GRK5: variants seen among roughly 807,000 people sequenced by gnomAD.
The protein encoded by GRK5 is g protein-coupled receptor kinase GRK5.
A neutral mutation model predicts 78.4 loss-of-function variants in GRK5; 40 were observed. The observed-to-expected ratio is 0.51, with a 90% CI of 0.40 to 0.66. GRK5 has a LOEUF of 0.66. Among genes scored for constraint, GRK5 ranks in the 30% least tolerant of loss-of-function variants. GRK5 has a pLI of 0.00. For synonymous variants in GRK5, 289 were observed against 296.8 expected (o/e 0.97, Z 0.27); for missense variants, 598 against 759.9 (o/e 0.79, Z 2.50).
intron 12 of GRK5, among the ~76,000 whole-genome samples, chr10:119,444,664 C>G (rs768535552): frequency 6.6e-6 from 1 of 152,182 alleles, no homozygotes; most frequent in Non-Finnish European, 1.5e-5. Flanking sequence ...GCACCCAGCT[C>G]CACAATTGCC....
intron 1 of GRK5, among the ~76,000 whole-genome samples, chr10:119,292,052 C>T (rs374799722): frequency 1.1e-3 from 132 of 115,190 alleles, no homozygotes; most frequent in Middle Eastern, 5.5e-3. Flanking sequence ...TCCTCCTTCT[C>T]CTCCTCCTCT....
At chr10:119,323,948 A>G (rs1426452473) in intron 1 of GRK5, among the ~76,000 whole-genome samples, 1 of 152,064 alleles carries the variant, frequency 6.6e-6, no homozygotes, top group Non-Finnish European at 1.5e-5. Flanking sequence ...CAATGTTGGC[A>G]ACTGGTTCAG....
At chr10:119,396,551 T>A (rs1852055972) in intron 3 of GRK5, 144 bp from the exon 4 acceptor site, 1 of 668,428 alleles carries the variant, frequency 1.5e-6, no homozygotes, top group Admixed American at 2.6e-5. Flanking sequence ...TGGCCAGGTC[T>A]TCCCCCCCGG....
At chr10:119,309,396 G>T (rs1172046418) in intron 1 of GRK5, among the ~76,000 whole-genome samples, 1 of 152,212 alleles carries the variant, frequency 6.6e-6, no homozygotes, top group East Asian at 1.9e-4. Context: ...AGGCCTTGGT[G>T]GGAGGGAAGC....
At chr10:119,377,491 G>A (rs1035971387) in intron 2 of GRK5, among the ~76,000 whole-genome samples, 1 of 152,164 alleles carries the variant, frequency 6.6e-6, no homozygotes, top group African/African-American at 2.4e-5. Context: ...CATTGATCTT[G>A]ATTTGAGGTG....
In GRK5 at chr10:119,326,835, C is replaced by T. The variant is rs904995264; in HGVS notation, c.148+224C>T. On this transcript the variant is annotated intron_variant, in intron 2 of 15. Coordinates refer to ENST00000392870, the MANE Select transcript of GRK5 (RefSeq NM_005308.3). ...TATTCATTGAATATATGGCATGTGC[C>T]GGGCAGAGTGACCTCCTCCCAGTTA... is the stretch of plus-strand genomic sequence containing the variant. 1.5e-4 allele frequency among the ~76,000 whole-genome samples: 23 copies of T among 152,356 alleles called. 1 individual carries two copies. The highest frequency in any genetic ancestry group is 4.1e-4 in the African/African-American group (17 of 41,584).
chr10:119,306,007 A>G (rs1850267014), intron 1 of GRK5, among the ~76,000 whole-genome samples: 1 of 152,106 alleles, frequency 6.6e-6, no homozygotes, highest in South Asian at 2.1e-4. Flanking sequence ...GACCATGGAA[A>G]GGCTCCGTGT....
intron 3 of GRK5, 96 bp from the exon 4 acceptor site, chr10:119,396,599 C>A: frequency 9.8e-7 from 1 of 1,018,178 alleles, no homozygotes; most frequent in Non-Finnish European, 1.5e-6. Flanking sequence ...GGTCAGGTGG[C>A]CTCTAGGGGA....
chr10:119,453,038 G>A, intron 14 of GRK5, 107 bp from the exon 15 acceptor site: 3 of 874,006 alleles, frequency 3.4e-6, no homozygotes, highest in Non-Finnish European at 5.8e-6. Context: ...GAGGGCGTGT[G>A]GCTCAGGGGC....
At chr10:119,442,495 A>G (rs1439666277) in intron 11 of GRK5, among the ~76,000 whole-genome samples, 1 of 152,178 alleles carries the variant, frequency 6.6e-6, no homozygotes, top group Non-Finnish European at 1.5e-5. Context: ...GTCACCAAGC[A>G]TGATTCCAGT....
intron 13 of GRK5, among the ~76,000 whole-genome samples, chr10:119,450,009 C>T (rs922823016): frequency 1.3e-5 from 2 of 152,162 alleles, no homozygotes; most frequent in African/African-American, 2.4e-5. Context: ...CTGATTCTAG[C>T]GTAGAGCCAG....
intron 1 of GRK5, among the ~76,000 whole-genome samples, chr10:119,242,416 C>T (rs2133741889): frequency 6.6e-6 from 1 of 151,506 alleles, no homozygotes; most frequent in African/African-American, 2.4e-5. Flanking sequence ...GGCAGTCTTG[C>T]CGAGCACTGG....
chr10:119,444,407 C>T (rs1277524991), intron 12 of GRK5, among the ~76,000 whole-genome samples: 2 of 152,078 alleles, frequency 1.3e-5, no homozygotes, highest in Admixed American at 6.5e-5. Context: ...GAGTGGAGTC[C>T]GCCCGTGCAC....
chr10:119,318,588 G>C (rs1850530769), intron 1 of GRK5, among the ~76,000 whole-genome samples: 1 of 152,112 alleles, frequency 6.6e-6, no homozygotes, highest in Non-Finnish European at 1.5e-5. Flanking sequence ...CACTGTGCCA[G>C]GTGATCACAG....
At chr10:119,363,181 T>C (rs1462527585) in intron 2 of GRK5, among the ~76,000 whole-genome samples, 4 of 151,596 alleles carry the variant, frequency 2.6e-5, no homozygotes, top group African/African-American at 9.7e-5. Flanking sequence ...CTCGGGAGGC[T>C]GAGGCAGGAG....
intron 1 of GRK5, among the ~76,000 whole-genome samples, chr10:119,270,226 A>G (rs779315610): frequency 7.9e-5 from 12 of 152,204 alleles, no homozygotes; most frequent in Non-Finnish European, 1.6e-4. Flanking sequence ...CTTGTCACCA[A>G]AATGTGTAAT....
At chr10:119,425,600 T>C (rs1024592502) in intron 6 of GRK5, among the ~76,000 whole-genome samples, 3 of 152,246 alleles carry the variant, frequency 2.0e-5, no homozygotes, top group Non-Finnish European at 2.9e-5. Flanking sequence ...GCTGTTAAGC[T>C]GCTGTCCAAA....
chr10:119,453,320 C>T (rs775698846), intron 15 of GRK5, 44 bp downstream of exon 15: 2 of 1,609,944 alleles, frequency 1.2e-6, no homozygotes, highest in East Asian at 2.2e-5. Context: ...AGCTCCGAGA[C>T]CCCTGGCTCA....
At chr10:119,245,888 C>T (rs371692511) in intron 1 of GRK5, among the ~76,000 whole-genome samples, 20 of 151,582 alleles carry the variant, frequency 1.3e-4, no homozygotes, top group South Asian at 1.0e-3. Context: ...GGCATGGTGG[C>T]GGGTGCCTGT....
Sources: gnomAD v4.1 joint callset for allele counts (sites outside exome capture counted in the v4.1 genomes callset) on GRCh38, gnomAD v4.1.1 for gene constraint, MANE v1.5 for transcripts, NCBI Gene and HGNC (gene_info 2026-07-23, HGNC 2026-07-21) for gene names.